The following DSE variants were observed in gnomAD, a reference collection of about 807,000 sequenced individuals.
DSE encodes the protein dermatan-sulfate epimerase.
DSE carries 36 observed loss-of-function variants against 84.4 expected under a neutral mutation model. The observed-to-expected ratio is 0.43, with a 90% CI of 0.33 to 0.56. The LOEUF (loss-of-function observed/expected upper bound fraction) is 0.56, where lower values mean the gene tolerates loss of function less well. Ranked by LOEUF, DSE falls within the 20% of genes least tolerant of loss-of-function variation. The pLI is 0.06. For synonymous variants in DSE, 410 were observed against 430.1 expected (o/e 0.95, Z 0.58); for missense variants, 862 against 1,169.6 (o/e 0.74, Z 3.84).
chr6:116,370,983 G>C lies in DSE; in HGVS notation c.-192G>C, dbSNP rs913364312. 2 of 985,362 alleles carry C rather than the reference G, an allele frequency of 2.0e-6. No homozygotes were observed. Among genetic ancestry groups the C allele is most frequent in the Admixed American group, 6.2e-5 (1 of 16,258 alleles). 61.0% of individuals were successfully genotyped at this position (985,362 alleles called of 1,614,324 possible). A position where few individuals can be genotyped will look rare whatever the true frequency, so the allele number is the denominator to read the frequency against. ...CCGAGGCTGCAGCAGCGCATCCCGG[G>C]GCATGGCGCGGCGGGGGCGCGGAGG... On this transcript the variant is annotated 5_prime_UTR_variant, in exon 1 of 6. Transcript: ENST00000644252.
intron 1 of DSE, among the ~76,000 whole-genome samples, chr6:116,385,873 G>C (rs1331622888): frequency 6.6e-6 from 1 of 151,296 alleles, no homozygotes; most frequent in Non-Finnish European, 1.5e-5. Flanking sequence ...GAAAAATGAG[G>C]AATGCTTGTA....
intron 2 of DSE, among the ~76,000 whole-genome samples, chr6:116,292,263 TTAGAGG>T (rs1332729839): frequency 6.6e-6 from 1 of 151,754 alleles, no homozygotes; most frequent in Non-Finnish European, 1.5e-5. Flanking sequence ...GAAATAGCCA[TTAGAGG>T]TAGGGAAAGA....
At chr6:116,410,733 C>CAAAAAAAAAAAAAAAAAAAAAAAAAAAA (rs765969508) in intron 2 of DSE, among the ~76,000 whole-genome samples, 1 of 79,606 alleles carries the variant, frequency 1.3e-5, no homozygotes, top group African/African-American at 5.9e-5. Context: ...GACTCTGTCT[C>CAAAAAAAAAAAAAAAAAAAAAAAAAAAA]AAAAAAAAAA....
Position 116,374,096 on chromosome 6 carries a change from C to T in DSE, c.-54+2975C>T, listed in dbSNP as rs971427091. 7.3e-5 allele frequency among the ~76,000 whole-genome samples: 11 copies of T among 151,040 alleles called. No individual in the cohort carries two copies. The East Asian group carries it at 1.7e-3, about 24-fold the overall frequency. On this transcript the variant is annotated intron_variant, in intron 1 of 5. Transcript: ENST00000644252. ...ACTGTCAAAGGATTTTTACCTTTAC[C>T]GATTGTGTTGCTTACTTCTGCCATG...
chr6:116,285,346 C>T (rs527265879), intron 2 of DSE, among the ~76,000 whole-genome samples: 13 of 152,272 alleles, frequency 8.5e-5, no homozygotes, highest in Middle Eastern at 6.8e-3. Flanking sequence ...TCATATCCCT[C>T]GCCCACTTTT....
At chr6:116,415,781 A>C (rs923166373) in intron 2 of DSE, among the ~76,000 whole-genome samples, 1 of 152,024 alleles carries the variant, frequency 6.6e-6, no homozygotes, top group Non-Finnish European at 1.5e-5. Flanking sequence ...AATTTCTCCC[A>C]AGCTGCATTA....
chr6:116,259,169 C>G, intron 2 of DSE: 1 of 828,276 alleles, frequency 1.2e-6, no homozygotes, highest in East Asian at 2.7e-5. Context: ...ATGCGCCACC[C>G]TGGCACAGAC....
intron 2 of DSE, among the ~76,000 whole-genome samples, chr6:116,260,239 T>C (rs570132465): frequency 1.3e-5 from 2 of 152,336 alleles, no homozygotes; most frequent in African/African-American, 4.8e-5. Context: ...TAATCAGTGA[T>C]GTTGAGCTTT....
rs546309954 is a variant in DSE at position 116,417,741 on chromosome 6, C to CA, written c.417-8832dup. On this transcript the variant is annotated intron_variant, in intron 2 of 5. Coordinates refer to ENST00000644252, the MANE Select transcript of DSE (RefSeq NM_013352.4). The stretch of plus-strand genomic sequence containing the variant: ...AATATACAATGAGTTCCCATTCTGT[C>CA]ATACCGTTCATCCTTCTAGCAATTG... Among the ~76,000 whole-genome samples the CA allele has an allele frequency of 7.9e-4, 121 of 152,262 alleles. No individual in the cohort carries two copies. The South Asian group carries it at 0.025, about 31-fold the overall frequency.
At chr6:116,333,253 A>G (rs1583034537) in intron 2 of DSE, among the ~76,000 whole-genome samples, 1 of 152,204 alleles carries the variant, frequency 6.6e-6, no homozygotes. Flanking sequence ...TTTATAAAGA[A>G]AAGAGATTTA....
chr6:116,322,931 G>C (rs1776413309), intron 2 of DSE, among the ~76,000 whole-genome samples: 1 of 152,112 alleles, frequency 6.6e-6, no homozygotes, highest in Non-Finnish European at 1.5e-5. Context: ...TTAGTGTAGA[G>C]AGCATTTTTT....
At chr6:116,407,221 A>G (rs1466317577) in intron 2 of DSE, among the ~76,000 whole-genome samples, 1 of 152,190 alleles carries the variant, frequency 6.6e-6, no homozygotes, top group African/African-American at 2.4e-5. Context: ...TGATTCTTAG[A>G]TGTACTAAAA....
At chr6:116,391,270 T>C (rs750376851) in intron 1 of DSE, among the ~76,000 whole-genome samples, 1 of 151,464 alleles carries the variant, frequency 6.6e-6, no homozygotes, top group Non-Finnish European at 1.5e-5. Flanking sequence ...TGACCTAAAG[T>C]TTTTTTTTAA....
At chr6:116,297,512 C>T (rs1774742793) in intron 2 of DSE, among the ~76,000 whole-genome samples, 1 of 152,154 alleles carries the variant, frequency 6.6e-6, no homozygotes, top group African/African-American at 2.4e-5. Context: ...ATCTGAAACA[C>T]TAATTTTAGT....
chr6:116,342,665 C>T lies in DSE; in HGVS notation c.-53-56533C>T, dbSNP rs569611680. ...ATTTGCACATGCTGATATTTCTGCT[C>T]AGTTAAAATATATACATACAGGAGA... On this transcript the variant is annotated intron_variant, in intron 2 of 3. Coordinates refer to the DSE transcript ENST00000430252. 6.6e-5 allele frequency among the ~76,000 whole-genome samples: 10 copies of T among 152,292 alleles called. No homozygotes were observed. The South Asian group carries it at 2.1e-3, about 32-fold the overall frequency.
chr6:116,303,799 G>C (rs576333267), intron 2 of DSE, among the ~76,000 whole-genome samples: 4 of 152,216 alleles, frequency 2.6e-5, no homozygotes, highest in Non-Finnish European at 5.9e-5. Flanking sequence ...GTCCTGTAAT[G>C]ATTGCCTAGG....
chr6:116,342,850 G>A (rs111313167), intron 2 of DSE, among the ~76,000 whole-genome samples: 10 of 152,062 alleles, frequency 6.6e-5, no homozygotes, highest in Non-Finnish European at 1.5e-4. Flanking sequence ...GCGGGGCATC[G>A]CCTTACCTGG....
chr6:116,346,470 C>T (rs1004915586), intron 2 of DSE, among the ~76,000 whole-genome samples: 4 of 152,188 alleles, frequency 2.6e-5, no homozygotes, highest in Non-Finnish European at 5.9e-5. Flanking sequence ...TCAACATACA[C>T]AAATCAATAA....
At chr6:116,396,968 C>T (rs1478511977) in intron 1 of DSE, among the ~76,000 whole-genome samples, 2 of 152,178 alleles carry the variant, frequency 1.3e-5, no homozygotes, top group East Asian at 1.9e-4. Flanking sequence ...CCCATATGCT[C>T]ATAGCTGGAG....
Sources: gnomAD v4.1 joint callset for allele counts (sites outside exome capture counted in the v4.1 genomes callset) on GRCh38, gnomAD v4.1.1 for gene constraint, MANE v1.5 for transcripts, NCBI Gene and HGNC (gene_info 2026-07-23, HGNC 2026-07-21) for gene names.